ATP9B: variants seen among roughly 807,000 people sequenced by gnomAD.
ATP9B encodes the protein ATPase phospholipid transporting 9B, also known as probable phospholipid-transporting ATPase IIB.
ATP9B carries 110 observed loss-of-function variants against 146.1 expected under a neutral mutation model. That is an observed-to-expected ratio of 0.75 (90% CI 0.65 to 0.88). The LOEUF (loss-of-function observed/expected upper bound fraction) is 0.88. ATP9B is among the 40% of genes least tolerant of loss of function. The pLI is 0.00. For synonymous variants in ATP9B, 604 were observed against 569.7 expected (o/e 1.06, Z -0.86); for missense variants, 1,499 against 1,496.4 (o/e 1.00, Z -0.03).
chr18:79,157,416 A>AAAAAAAAAAC (rs2094809858), intron 7 of ATP9B, among the ~76,000 whole-genome samples: 1 of 130,682 alleles, frequency 7.7e-6, no homozygotes, highest in Non-Finnish European at 1.7e-5. Flanking sequence ...AAAAAAAAAA[A>AAAAAAAAAAC]AAAAAAAACA....
intron 11 of ATP9B, among the ~76,000 whole-genome samples, chr18:79,240,648 G>A (rs2095879020): frequency 6.6e-6 from 1 of 152,236 alleles, no homozygotes; most frequent in Admixed American, 6.5e-5. Flanking sequence ...CAGAGGCTGA[G>A]GCAGGAGAAT....
At chr18:79,122,339 G>A (rs892799514) in intron 4 of ATP9B, among the ~76,000 whole-genome samples, 2 of 152,096 alleles carry the variant, frequency 1.3e-5, no homozygotes, top group Admixed American at 1.3e-4. Flanking sequence ...AATAGCTGCA[G>A]ACAAGTATAT....
chr18:79,172,596 C>G (rs2095094536), intron 7 of ATP9B, among the ~76,000 whole-genome samples: 1 of 151,766 alleles, frequency 6.6e-6, no homozygotes, highest in Non-Finnish European at 1.5e-5. Flanking sequence ...TTGCGATCCG[C>G]CTTGGCCTCC....
In ATP9B at chr18:79,342,473, TA is replaced by T. The variant is rs1172432762; in HGVS notation, c.2382+112del. The T allele has an allele frequency of 4.2e-6, 3 of 711,676 alleles. No individual in the cohort carries two copies. In the East Asian group the frequency reaches 9.1e-5, roughly 22 times the overall value. 44.1% of individuals were successfully genotyped at this position (711,676 alleles called of 1,614,324 possible). ...ATTTATTAATCACTAAATATCTTTT[TA>T]AAAAGAACTACTGTAATTTTTTTAA... On this transcript the variant is annotated intron_variant, in intron 20 of 29. Coordinates refer to ENST00000426216, the MANE Select transcript of ATP9B (RefSeq NM_198531.5).
At chr18:79,288,682 G>A (rs1214001798) in intron 13 of ATP9B, among the ~76,000 whole-genome samples, 5 of 152,134 alleles carry the variant, frequency 3.3e-5, no homozygotes, top group African/African-American at 4.8e-5. Flanking sequence ...TATTTTGCTC[G>A]TTAGTTGATG....
Position 79,109,616 on chromosome 18 carries a change from A to C in ATP9B, c.294-739A>C, listed in dbSNP as rs979594318. 7.3e-5 allele frequency among the ~76,000 whole-genome samples: 11 copies of C among 150,468 alleles called. No homozygotes were observed. The East Asian group carries it at 1.2e-3, about 16-fold the overall frequency. On this transcript the variant is annotated intron_variant, in intron 2 of 29. Transcript: ENST00000426216. ...AGACTCACTCTTTCGCCCAGGCTGA[A>C]GTGCAGTGGCATTGTCTTGGCTCAC...
chr18:79,102,710 T>G (rs2075370295), intron 2 of ATP9B, among the ~76,000 whole-genome samples: 1 of 152,152 alleles, frequency 6.6e-6, no homozygotes, highest in South Asian at 2.1e-4. Flanking sequence ...AACCTATATA[T>G]TTTATTAGTT....
intron 8 of ATP9B, among the ~76,000 whole-genome samples, chr18:79,184,745 G>A (rs2095288696): frequency 6.6e-6 from 1 of 151,992 alleles, no homozygotes; most frequent in Admixed American, 6.6e-5. Context: ...GAACTAAAGG[G>A]ATAATATGAG....
intron 5 of ATP9B, among the ~76,000 whole-genome samples, chr18:79,133,198 G>C (rs2094402789): frequency 6.6e-6 from 1 of 151,974 alleles, no homozygotes; most frequent in South Asian, 2.1e-4. Flanking sequence ...AGCCTTTCTT[G>C]AAGTGTACTT....
At chr18:79,283,180 C>A (rs1030958782) in intron 13 of ATP9B, among the ~76,000 whole-genome samples, 1 of 152,186 alleles carries the variant, frequency 6.6e-6, no homozygotes, top group African/African-American at 2.4e-5. Flanking sequence ...GTGTGTAAAT[C>A]AGAAGTCAGA....
At chr18:79,247,763 A>G (rs2095982577) in intron 11 of ATP9B, among the ~76,000 whole-genome samples, 1 of 152,232 alleles carries the variant, frequency 6.6e-6, no homozygotes, top group Non-Finnish European at 1.5e-5. Context: ...TTATACAAAA[A>G]ATATAGTACT....
At chr18:79,132,131 A>G (rs150055855) in intron 5 of ATP9B, among the ~76,000 whole-genome samples, 1 of 149,744 alleles carries the variant, frequency 6.7e-6, no homozygotes, top group African/African-American at 2.4e-5. Context: ...CAAAAATGGC[A>G]TAAAATGTTG....
At chr18:79,315,505 C>T (rs1314530111) in intron 15 of ATP9B, among the ~76,000 whole-genome samples, 1 of 152,110 alleles carries the variant, frequency 6.6e-6, no homozygotes, top group Non-Finnish European at 1.5e-5. Flanking sequence ...ATGATGAAAT[C>T]TCAGTGATTA....
intron 25 of ATP9B, among the ~76,000 whole-genome samples, 188 bp from the exon 26 acceptor site, chr18:79,359,166 A>G (rs1445981074): frequency 6.6e-6 from 1 of 152,160 alleles, no homozygotes; most frequent in Non-Finnish European, 1.5e-5. Context: ...CTTATAGAAC[A>G]TGCTACTGTG....
chr18:79,114,089 G>T (rs533496565), intron 4 of ATP9B, among the ~76,000 whole-genome samples: 1 of 152,192 alleles, frequency 6.6e-6, no homozygotes, highest in East Asian at 1.9e-4. Context: ...TCCTACCTCA[G>T]CCTCCTGAGT....
intron 25 of ATP9B, among the ~76,000 whole-genome samples, chr18:79,355,290 T>G (rs1008306728): frequency 6.6e-6 from 1 of 152,096 alleles, no homozygotes; most frequent in Non-Finnish European, 1.5e-5. Context: ...AAAAAGACAG[T>G]CAATAGAAGC....
intron 9 of ATP9B, among the ~76,000 whole-genome samples, chr18:79,201,079 A>G (rs925714201): frequency 2.6e-5 from 4 of 152,156 alleles, no homozygotes; most frequent in Non-Finnish European, 5.9e-5. Context: ...ACTCAAAGAG[A>G]GAAACTTATT....
chr18:79,193,643 A>G (rs1388665575), intron 9 of ATP9B, among the ~76,000 whole-genome samples: 2 of 152,200 alleles, frequency 1.3e-5, no homozygotes, highest in Admixed American at 1.3e-4. Flanking sequence ...CTGTACATGC[A>G]TGTTGTGTTT....
In ATP9B at chr18:79,161,151, C is replaced by T. The variant is rs537594992; in HGVS notation, c.778+6596C>T. ...TTTAAGCCATAGTAAGACAGAAAAACGTAAATGGAATATTAGAACATGACT... is the reference window on the plus strand; with the variant it reads ...TTTAAGCCATAGTAAGACAGAAAAATGTAAATGGAATATTAGAACATGACT... On this transcript the variant is annotated intron_variant, in intron 7 of 29. Coordinates refer to ENST00000426216, the MANE Select transcript of ATP9B (RefSeq NM_198531.5). Among the ~76,000 whole-genome samples, 13 of 152,238 alleles carry T rather than the reference C, an allele frequency of 8.5e-5. No homozygotes were observed. In the South Asian group the frequency reaches 1.5e-3, roughly 17 times the overall value.
Sources: allele counts gnomAD v4.1 joint callset (sites outside exome capture counted in the v4.1 genomes callset), GRCh38; gene constraint gnomAD v4.1.1; transcripts MANE v1.5; gene names NCBI Gene and HGNC (gene_info 2026-07-23, HGNC 2026-07-21).